Variants in KCNIP4 observed in about 807,000 individuals in gnomAD.
The protein encoded by KCNIP4 is Kv channel-interacting protein 4.
In KCNIP4, 12 loss-of-function variants were observed where a neutral mutation model predicts 34.0. The observed-to-expected ratio is 0.35, with a 90% CI of 0.23 to 0.57. KCNIP4 has a LOEUF of 0.57. KCNIP4 is among the 20% of genes least tolerant of loss of function. The pLI is 0.83. For synonymous variants in KCNIP4, 124 were observed against 102.2 expected, an observed-to-expected ratio of 1.21 and a Z score of -1.29; for missense variants, 238 against 311.7, an observed-to-expected ratio of 0.76 and a Z score of 1.78.
At chr4:21,349,766 A>C (rs933483607) in intron 1 of KCNIP4, among the ~76,000 whole-genome samples, 2 of 152,160 alleles carry the variant, frequency 1.3e-5, no homozygotes, top group Admixed American at 6.5e-5. Context: ...AATGTGGAGC[A>C]ACAAATTGCA....
intron 3 of KCNIP4, among the ~76,000 whole-genome samples, chr4:20,762,939 T>G (rs1388893695): frequency 9.5e-6 from 1 of 104,724 alleles, no homozygotes; most frequent in Non-Finnish European, 1.8e-5. Context: ...GGAAGGCACC[T>G]TCTTCACAAG....
chr4:21,585,647 C>G (rs73252281), intron 1 of KCNIP4, among the ~76,000 whole-genome samples: 5 of 151,904 alleles, frequency 3.3e-5, no homozygotes, highest in Non-Finnish European at 7.4e-5. Context: ...CCATATATTA[C>G]AGGAAGCATT....
At chr4:21,758,920 GATA>G (rs979024278) in intron 1 of KCNIP4, among the ~76,000 whole-genome samples, 1 of 151,494 alleles carries the variant, frequency 6.6e-6, no homozygotes, top group Non-Finnish European at 1.5e-5. Context: ...GTAAGATAAG[GATA>G]ATAATAACAA....
At chr4:21,077,868 G>C (rs1577652489) in intron 1 of KCNIP4, among the ~76,000 whole-genome samples, 1 of 151,964 alleles carries the variant, frequency 6.6e-6, no homozygotes, top group Non-Finnish European at 1.5e-5. Context: ...AATAAAATTG[G>C]TGAAGTTTTA....
At chr4:21,182,254 G>A (rs966980935) in intron 1 of KCNIP4, among the ~76,000 whole-genome samples, 6 of 152,122 alleles carry the variant, frequency 3.9e-5, no homozygotes, top group Non-Finnish European at 5.9e-5. Context: ...TTCAGCAGAA[G>A]CAATCTGAAT....
chr4:21,093,768 A>G (rs921901957), intron 1 of KCNIP4, among the ~76,000 whole-genome samples: 1 of 152,140 alleles, frequency 6.6e-6, no homozygotes, highest in African/African-American at 2.4e-5. Context: ...ATAGGGTATA[A>G]TGGATATTAC....
chr4:21,374,837 T>C (rs986204008), intron 1 of KCNIP4, among the ~76,000 whole-genome samples: 5 of 147,566 alleles, frequency 3.4e-5, no homozygotes, highest in Middle Eastern at 3.4e-3. Context: ...TGTAGCTTGG[T>C]GACAGCTGGG....
chr4:21,716,479 C>T (rs1239214125), intron 1 of KCNIP4, among the ~76,000 whole-genome samples: 1 of 152,022 alleles, frequency 6.6e-6, no homozygotes, highest in Non-Finnish European at 1.5e-5. Flanking sequence ...CTCAGGTAAT[C>T]GCCCACCTTG....
At chr4:21,360,566 A>G (rs2109404512) in intron 1 of KCNIP4, among the ~76,000 whole-genome samples, 2 of 152,180 alleles carry the variant, frequency 1.3e-5, no homozygotes, top group Non-Finnish European at 2.9e-5. Flanking sequence ...ATTATCTTTT[A>G]AAAGTATGAG....
At chr4:20,922,707 T>G (rs927980351) in intron 1 of KCNIP4, among the ~76,000 whole-genome samples, 1 of 152,274 alleles carries the variant, frequency 6.6e-6, no homozygotes, top group Non-Finnish European at 1.5e-5. Context: ...AAAGAAAAGT[T>G]CTTAGAGACT....
chr4:21,262,747 C>G (rs2109109377), intron 1 of KCNIP4, among the ~76,000 whole-genome samples: 1 of 152,282 alleles, frequency 6.6e-6, no homozygotes, highest in East Asian at 1.9e-4. Context: ...AGAGACAACT[C>G]CAACTTTTAC....
chr4:21,179,093 A>G (rs1256018222), intron 1 of KCNIP4, among the ~76,000 whole-genome samples: 1 of 152,186 alleles, frequency 6.6e-6, no homozygotes, highest in East Asian at 1.9e-4. Flanking sequence ...CTGTGATTAC[A>G]GGCGTGAGCC....
intron 1 of KCNIP4, among the ~76,000 whole-genome samples, chr4:20,979,305 T>C (rs761119675): frequency 1.3e-5 from 2 of 152,126 alleles, no homozygotes; most frequent in African/African-American, 4.8e-5. Flanking sequence ...CCAAGTATTT[T>C]ATTGAGGAGG....
At chr4:21,744,915 C>T (rs1190705809) in intron 1 of KCNIP4, among the ~76,000 whole-genome samples, 2 of 152,126 alleles carry the variant, frequency 1.3e-5, no homozygotes, top group African/African-American at 4.8e-5. Context: ...TACTATTTTG[C>T]ACCGACCTAC....
Position 21,672,062 on chromosome 4 carries a change from T to C in KCNIP4, c.61+276509A>G, listed in dbSNP as rs190178257. On this transcript the variant is annotated intron_variant, in intron 1 of 8. Coordinates refer to ENST00000382152, the MANE Select transcript of KCNIP4 (RefSeq NM_025221.6). ...ACCAAGAAGGGATTTTATGCTAAGA[T>C]AGATCATATTTAAGATACTGGTTCT... is the stretch of plus-strand genomic sequence containing the variant. Among the ~76,000 whole-genome samples the C allele has an allele frequency of 1.2e-3, 188 of 152,230 alleles. 1 individual carries two copies. Among genetic ancestry groups the C allele is most frequent in the Admixed American group, 2.6e-3 (39 of 15,292 alleles).
chr4:21,595,046 A>G (rs924397553), intron 1 of KCNIP4, among the ~76,000 whole-genome samples: 4 of 152,126 alleles, frequency 2.6e-5, no homozygotes, highest in African/African-American at 9.7e-5. Context: ...ATAGGTATAC[A>G]TGTGCCATGG....
chr4:21,660,025 T>A (rs1424937770), intron 1 of KCNIP4, among the ~76,000 whole-genome samples: 1 of 152,190 alleles, frequency 6.6e-6, no homozygotes, highest in Non-Finnish European at 1.5e-5. Context: ...AAAAGTTTTC[T>A]CAGGCTAGTC....
At chr4:20,911,004 G>A (rs1182382019) in intron 1 of KCNIP4, among the ~76,000 whole-genome samples, 3 of 152,072 alleles carry the variant, frequency 2.0e-5, no homozygotes, top group Non-Finnish European at 2.9e-5. Flanking sequence ...TCACATTGAA[G>A]ATTTTTACCC....
At chr4:21,794,237 C>T (rs552190494) in intron 1 of KCNIP4, among the ~76,000 whole-genome samples, 37 of 151,964 alleles carry the variant, frequency 2.4e-4, no homozygotes, top group South Asian at 1.0e-3. Flanking sequence ...CAAACCTGCA[C>T]GTTGTGCACA....
Sources: allele counts gnomAD v4.1 joint callset (sites outside exome capture counted in the v4.1 genomes callset), GRCh38; gene constraint gnomAD v4.1.1; transcripts MANE v1.5; gene names NCBI Gene and HGNC (gene_info 2026-07-23, HGNC 2026-07-21).